PWWP4: variants seen among roughly 807,000 people sequenced by gnomAD.
PWWP4 encodes the protein putative PWWP domain-containing DNA repair factor 4.
upstream of PWWP4, among the ~76,000 whole-genome samples, chrX:153,270,109 A>G (rs1483642179): frequency 2.5e-4 from 27 of 108,556 alleles, no homozygotes; most frequent in Non-Finnish European, 4.5e-4. Context: ...TCAGAAAAAC[A>G]CAATAACATG....
upstream of PWWP4, among the ~76,000 whole-genome samples, chrX:153,269,878 G>A (rs1327483915): frequency 2.7e-5 from 3 of 112,652 alleles, no homozygotes; most frequent in Admixed American, 9.6e-5. Context: ...AATGAGGTAG[G>A]AACACGGGCA....
chrX:153,270,155 A>G (rs1427241805), upstream of PWWP4, among the ~76,000 whole-genome samples: 3 of 106,645 alleles, frequency 2.8e-5, no homozygotes, highest in African/African-American at 7.1e-5. Context: ...CATTTTATCA[A>G]TCTCGTTGAG....
exon 1 of PWWP4, among the ~76,000 whole-genome samples, chrX:153,276,069 A>G (rs1440016612): frequency 1.0e-5 from 1 of 98,753 alleles, no homozygotes; most frequent in Non-Finnish European, 2.1e-5. Context: ...CACCTATGCC[A>G]GGGGCCCTGC....
upstream of PWWP4, among the ~76,000 whole-genome samples, chrX:153,269,938 G>A (rs1366093066): frequency 5.8e-4 from 65 of 112,213 alleles, no homozygotes; most frequent in South Asian, 0.019. Context: ...AGCTCCAGTT[G>A]AAGATGATAT....
chrX:153,269,196 G>T (rs868975132), upstream of PWWP4, among the ~76,000 whole-genome samples: 1 of 49,694 alleles, frequency 2.0e-5, no homozygotes, highest in African/African-American at 8.7e-5. Context: ...TGTGTGTGTG[G>T]AGAGAGAGAG....
chrX:153,276,102 C>T lies in PWWP4; in HGVS notation c.4485C>T (p.Arg1495=), dbSNP rs1396022493. The change falls in exon 1 of 1, where the codon CGC becomes CGT. Residue 1495 remains arginine, a synonymous_variant. Coordinates refer to ENST00000458091, the Ensembl canonical transcript of PWWP4. ...TGCATGGTACCAGGTCATGGAAACG[C>T]GAAGCCATTTCTCAGACTCCATTTG... 8.1e-3 allele frequency among the ~76,000 whole-genome samples: 821 copies of T among 101,721 alleles called. 21 individuals carry two copies. The highest frequency in any genetic ancestry group is 0.029 in the African/African-American group (770 of 26,216). The allele number at this position is 101,721 out of a possible 115,157, so 88.3% of individuals were successfully genotyped here.
exon 1 of PWWP4, among the ~76,000 whole-genome samples, chrX:153,272,793 C>T (rs1246919321): frequency 4.4e-5 from 5 of 113,369 alleles, no homozygotes; most frequent in South Asian, 3.4e-4. Flanking sequence ...GGGCACGCAG[C>T]GCCATTGCTT....
upstream of PWWP4, among the ~76,000 whole-genome samples, chrX:153,270,199 T>A (rs1287641781): frequency 0.096 from 5,613 of 58,558 alleles, 139 homozygotes; most frequent in East Asian, 0.17. Context: ...TCTCTCTCTC[T>A]CACACACACA....
chrX:153,270,230 G>A (rs1459771752), upstream of PWWP4, among the ~76,000 whole-genome samples: 3 of 108,380 alleles, frequency 2.8e-5, no homozygotes, highest in Non-Finnish European at 5.7e-5. Context: ...GAGAGAGAGA[G>A]AGGAGAGAGA....
At chrX:153,272,621 G>C (rs1252229093) in exon 1 of PWWP4, among the ~76,000 whole-genome samples, 1 of 107,842 alleles carries the variant, frequency 9.3e-6, no homozygotes, top group Non-Finnish European at 1.9e-5. Flanking sequence ...GTCAGGTCAC[G>C]GGTGCCAAAG....
the PWWP4 span, among the ~76,000 whole-genome samples, chrX:153,266,436 G>A: frequency 1.1e-5 from 1 of 92,159 alleles, no homozygotes; most frequent in African/African-American, 4.3e-5. Context: ...GATGTGTGTG[G>A]ATGCGTGTGC....
chrX:153,270,063 A>G (rs1167373059), upstream of PWWP4, among the ~76,000 whole-genome samples: 1 of 108,742 alleles, frequency 9.2e-6, no homozygotes, highest in Non-Finnish European at 1.9e-5. Context: ...TACACATCTC[A>G]TATTCTATGC....
the PWWP4 span, among the ~76,000 whole-genome samples, chrX:153,266,397 A>G: frequency 2.1e-4 from 16 of 76,339 alleles, no homozygotes; most frequent in East Asian, 6.6e-4. Flanking sequence ...GTGTGTGTGG[A>G]TGTGTGTGTG....
chrX:153,276,528 C>T (rs2051829164), exon 1 of PWWP4, among the ~76,000 whole-genome samples: 4 of 57,734 alleles, frequency 6.9e-5, no homozygotes, highest in African/African-American at 2.6e-4. Context: ...CTGCACCCCC[C>T]GCTCTGAAGG....
chrX:153,269,195 GGA>G (rs1435117728), upstream of PWWP4, among the ~76,000 whole-genome samples: 1 of 49,703 alleles, frequency 2.0e-5, no homozygotes, highest in Non-Finnish European at 3.6e-5. Flanking sequence ...GTGTGTGTGT[GGA>G]GAGAGAGAGA....
upstream of PWWP4, among the ~76,000 whole-genome samples, chrX:153,269,955 G>A (rs2051801036): frequency 8.9e-6 from 1 of 111,794 alleles, no homozygotes; most frequent in Non-Finnish European, 1.9e-5. Context: ...ATATGTGCAT[G>A]TGTGTGTGCA....
chrX:153,276,377 G>A (rs1475612470), exon 1 of PWWP4, among the ~76,000 whole-genome samples: 21 of 87,093 alleles, frequency 2.4e-4, no homozygotes, highest in African/African-American at 9.0e-4. Flanking sequence ...CAAAGCCCCC[G>A]AGCCTGCCAG....
upstream of PWWP4, among the ~76,000 whole-genome samples, chrX:153,271,204 G>A (rs1297066667): frequency 8.7e-6 from 1 of 114,327 alleles, no homozygotes; most frequent in Non-Finnish European, 1.9e-5. Flanking sequence ...GTTAAAATTA[G>A]GAGAAGGCCT....
chrX:153,271,615 A>C (rs2051806949), upstream of PWWP4, among the ~76,000 whole-genome samples: 1 of 105,103 alleles, frequency 9.5e-6, no homozygotes, highest in Non-Finnish European at 1.9e-5. Context: ...TTCCCAGCTC[A>C]TCATGGACTC....
Sources: gnomAD v4.1 joint callset for allele counts (sites outside exome capture counted in the v4.1 genomes callset) on GRCh38, gnomAD v4.1.1 for gene constraint, MANE v1.5 for transcripts, NCBI Gene and HGNC (gene_info 2026-07-23, HGNC 2026-07-21) for gene names.